The following PDZD11 variants were observed in gnomAD, a reference collection of about 807,000 sequenced individuals.
The protein encoded by PDZD11 is PDZ domain containing 11, also known as PDZ domain-containing protein 11.
A neutral mutation model predicts 13.7 loss-of-function variants in PDZD11; 2 were observed. That is an observed-to-expected ratio of 0.15 (90% CI 0.06 to 0.46). PDZD11 has a LOEUF of 0.46. PDZD11 is among the 20% of genes least tolerant of loss of function. The pLI is 0.98. For synonymous variants in PDZD11, 32 were observed against 37.5 expected (o/e 0.85, Z 0.54); for missense variants, 44 against 111.7 (o/e 0.39, Z 2.73).
chrX:70,289,376 G>C, intron 1 of PDZD11, 22 bp from the exon 2 acceptor site: 1 of 1,193,437 alleles, frequency 8.4e-7, no homozygotes. Context: ...AATCAGAACA[G>C]ACAAAAAGTG....
At chrX:70,288,799 G>C (rs2085737286) in intron 2 of PDZD11, among the ~76,000 whole-genome samples, 1 of 108,419 alleles carries the variant, frequency 9.2e-6, no homozygotes, top group African/African-American at 3.4e-5. Flanking sequence ...CTGCCTCCCA[G>C]GTTCAAGCAA....
At chrX:70,289,154 C>A in intron 2 of PDZD11, 101 bp downstream of exon 2, 1 of 643,743 alleles carries the variant, frequency 1.6e-6, no homozygotes, top group East Asian at 3.6e-5. Flanking sequence ...CTAAGATTCA[C>A]TCTCCGTTTC....
intron 3 of PDZD11, 116 bp downstream of exon 3, chrX:70,288,314 T>C: frequency 1.2e-6 from 1 of 863,446 alleles, no homozygotes; most frequent in Non-Finnish European, 1.7e-6. Context: ...TCAGCTTTTC[T>C]GTCCACAAGA....
intron 2 of PDZD11, 145 bp from the exon 3 acceptor site, chrX:70,288,658 G>A: frequency 4.6e-6 from 2 of 438,446 alleles, no homozygotes; most frequent in South Asian, 4.0e-5. Context: ...GACTAAATGA[G>A]TAGATGGATA....
chrX:70,288,301 A>C, intron 3 of PDZD11, 128 bp from the exon 4 acceptor site: 2 of 844,895 alleles, frequency 2.4e-6, no homozygotes, highest in Admixed American at 2.5e-5. Context: ...CAGAAGTGTT[A>C]TCTCAGCTTT....
chrX:70,287,129 A>G lies in PDZD11; in HGVS notation c.389-13T>C, dbSNP rs1051434637. The G allele has an allele frequency of 2.5e-6, 3 of 1,198,394 alleles. No homozygotes were observed. Among genetic ancestry groups the G allele is most frequent in the Non-Finnish European group, 3.4e-6 (3 of 887,564 alleles). ...TGGCGATGATAATCTGAAGGAAAGA[A>G]GAAGAAAAGGAGGAACAGAGCAGGT... On this transcript the variant is annotated splice_polypyrimidine_tract_variant and intron_variant, in intron 6 of 6. Coordinates refer to ENST00000239666, the MANE Select transcript of PDZD11 (RefSeq NM_016484.5).
rs1340207051 is a variant in PDZD11 at position 70,287,334 on chromosome X, A to G, written c.330T>C (p.Ala110=). 4 of 1,205,343 alleles carry G rather than the reference A, an allele frequency of 3.3e-6. No individual in the cohort carries two copies. The highest frequency in any genetic ancestry group is 4.5e-6 in the Non-Finnish European group (4 of 889,992). The stretch of plus-strand genomic sequence containing the variant: ...CACGAGCTGTCTTCAGGATCTCAAC[A>G]GCCTGGAAGGAACACAGCAGCTTGT... ...VDFQDIEHSK[A]VEILKTAREI... is the part of the protein sequence containing the mutation. The change falls in exon 6 of 7, where the codon GCT becomes GCC. Residue 110 remains alanine, a splice_region_variant and synonymous_variant. Coordinates refer to ENST00000239666, the MANE Select transcript of PDZD11 (RefSeq NM_016484.5).
chrX:70,287,055 A>C lies in PDZD11; in HGVS notation c.*27T>G. ...TAGTTAGCATGTCATGACAGAGTCC[A>C]CATGAAGGGCTGTGGGCTGCAACTT... On this transcript the variant is annotated 3_prime_UTR_variant, in exon 7 of 7. Transcript: ENST00000239666. 3 of 1,179,205 alleles carry C rather than the reference A, an allele frequency of 2.5e-6. No individual in the cohort carries two copies. The highest frequency in any genetic ancestry group is 3.4e-6 in the Non-Finnish European group (3 of 873,203).
intron 2 of PDZD11, 94 bp from the exon 3 acceptor site, chrX:70,288,607 G>A (rs1239040683): frequency 1.5e-6 from 1 of 685,354 alleles, no homozygotes; most frequent in Non-Finnish European, 2.3e-6. Flanking sequence ...GTCAGGAAAA[G>A]GAAAGGTCAT....
In PDZD11 at chrX:70,287,297, G is replaced by A. The variant is rs751113363; in HGVS notation, c.367C>T (p.Arg123Cys). The A allele has an allele frequency of 1.7e-5, 20 of 1,208,235 alleles. No homozygotes were observed. The highest frequency in any genetic ancestry group is 5.9e-5 in the East Asian group (2 of 33,762). ...ILKTAREISMRVRFFPYNYHR... is the reference protein window; with the variant it reads ...ILKTAREISMCVRFFPYNYHR... ...TTACTGTAGGGAAAGAAGCGCACAC[G>A]CATGCTGATTTCACGAGCTGTCTTC... is the stretch of plus-strand genomic sequence containing the variant. The change falls in exon 6 of 7, where the codon CGT (arginine) becomes TGT (cysteine). Residue 123 changes from arginine (R) to cysteine (C), a missense_variant. Physicochemically the swap from Arg to Cys is radical, Grantham distance 180 (BLOSUM62 -3). Coordinates refer to ENST00000239666, the MANE Select transcript of PDZD11 (RefSeq NM_016484.5).
In PDZD11 at chrX:70,287,164, G is replaced by A. The variant is rs763315699; in HGVS notation, c.389-48C>T. ...GAGGAACAGAGCAGGTTATCTTCAC[G>A]CTTGAGCTCCTGATTCCCTATCCCC... On this transcript the variant is annotated intron_variant, in intron 6 of 6. Transcript: ENST00000239666. The A allele has an allele frequency of 1.3e-4, 157 of 1,166,829 alleles. 1 individual carries two copies. The South Asian group carries it at 2.4e-3, about 18-fold the overall frequency.
chrX:70,287,702 G>A (rs1569225866), intron 5 of PDZD11, 30 bp downstream of exon 5: 1 of 1,074,336 alleles, frequency 9.3e-7, no homozygotes, highest in East Asian at 3.0e-5. Context: ...ATGGCTTCTT[G>A]CAGCACCACA....
chrX:70,287,992 G>A (rs1470798155), intron 4 of PDZD11, 125 bp downstream of exon 4: 5 of 700,168 alleles, frequency 7.1e-6, no homozygotes, highest in African/African-American at 2.1e-5. Context: ...GAAAGGGGGT[G>A]TCTCCATTAT....
At chrX:70,289,416 T>A (rs995923864) in intron 1 of PDZD11, 62 bp from the exon 2 acceptor site, 1 of 1,169,455 alleles carries the variant, frequency 8.6e-7, no homozygotes. Context: ...CCAGCAAGTT[T>A]CAGACAGCAG....
chrX:70,288,243 C>T (rs2085732294), intron 3 of PDZD11, 70 bp from the exon 4 acceptor site: 5 of 947,310 alleles, frequency 5.3e-6, no homozygotes, highest in Middle Eastern at 2.6e-4. Context: ...GTAGCATCAT[C>T]GTACAATAGC....
chrX:70,287,726 G>A lies in PDZD11; in HGVS notation c.327+6C>T. 2 of 1,190,155 alleles carry A rather than the reference G, an allele frequency of 1.7e-6. No individual in the cohort carries two copies. The highest frequency in any genetic ancestry group is 2.3e-6 in the Non-Finnish European group (2 of 876,108). On this transcript the variant is annotated splice_donor_region_variant and intron_variant, in intron 5 of 6. Coordinates refer to ENST00000239666, the MANE Select transcript of PDZD11 (RefSeq NM_016484.5). Reference sequence around the variant, plus strand: ...TGCAGCACCACAGCCCAAGTACTGTGCTCACCTTGCTGTGCTCAATATCTT... The same window carrying A: ...TGCAGCACCACAGCCCAAGTACTGTACTCACCTTGCTGTGCTCAATATCTT...
At chrX:70,287,401 G>A in intron 5 of PDZD11, 65 bp from the exon 6 acceptor site, 1 of 995,712 alleles carries the variant, frequency 1.0e-6, no homozygotes, top group East Asian at 3.1e-5. Context: ...CATAATAGGG[G>A]GAAAGGGATT....
intron 2 of PDZD11, among the ~76,000 whole-genome samples, chrX:70,288,777 T>A (rs2085737020): frequency 9.4e-6 from 1 of 106,712 alleles, no homozygotes; most frequent in Non-Finnish European, 1.9e-5. Flanking sequence ...CAATCTCAGC[T>A]CACCGCAACC....
chrX:70,286,985 C>G lies in PDZD11; in HGVS notation c.*97G>C. The G allele has an allele frequency of 1.3e-6, 1 of 775,936 alleles. No individual in the cohort carries two copies. The highest frequency in any genetic ancestry group is 1.9e-6 in the Non-Finnish European group (1 of 523,658). 63.9% of individuals were successfully genotyped at this position (775,936 alleles called of 1,213,427 possible). A position where few individuals can be genotyped will look rare whatever the true frequency, so the allele number is the denominator to read the frequency against. On this transcript the variant is annotated 3_prime_UTR_variant, in exon 7 of 7. Coordinates refer to ENST00000239666, the MANE Select transcript of PDZD11 (RefSeq NM_016484.5). ...GCTGTCTCCCCATCCTCCCAACTCA[C>G]TATTCCAGGGAGGGGCTGAAAACAG...
Sources: gnomAD v4.1 joint callset for allele counts (sites outside exome capture counted in the v4.1 genomes callset) on GRCh38, gnomAD v4.1.1 for gene constraint, MANE v1.5 for transcripts, NCBI Gene and HGNC (gene_info 2026-07-23, HGNC 2026-07-21) for gene names.